TTC12: variants seen among roughly 807,000 people sequenced by gnomAD.
TTC12 encodes tetratricopeptide repeat domain 12.
Under a neutral mutation model 90.1 loss-of-function variants are expected in TTC12, and 70 were observed. That is an observed-to-expected ratio of 0.78 (90% CI 0.64 to 0.95). The LOEUF (loss-of-function observed/expected upper bound fraction) is 0.95, where lower values mean the gene tolerates loss of function less well. TTC12 is among the 40% of genes least tolerant of loss of function. The pLI is 0.00. For synonymous variants in TTC12, 296 were observed against 311.5 expected (o/e 0.95, Z 0.53); for missense variants, 819 against 846.1 (o/e 0.97, Z 0.40).
intron 16 of TTC12, among the ~76,000 whole-genome samples, chr11:113,355,299 G>A (rs1555152034): frequency 6.6e-6 from 1 of 152,122 alleles, no homozygotes; most frequent in East Asian, 1.9e-4. Flanking sequence ...GGGGTCAGTG[G>A]TGATATCCCC....
chr11:113,349,973 C>A, intron 13 of TTC12, 100 bp from the exon 14 acceptor site: 1 of 932,998 alleles, frequency 1.1e-6, no homozygotes, highest in Non-Finnish European at 1.7e-6. Context: ...TTATTTCACC[C>A]GGATGCTGAC....
At chr11:113,315,760 C>A (rs1484464021) in intron 1 of TTC12, among the ~76,000 whole-genome samples, 2 of 152,228 alleles carry the variant, frequency 1.3e-5, no homozygotes, top group East Asian at 3.8e-4. Flanking sequence ...CTTCACTCTT[C>A]AGAAACAAGC....
At chr11:113,334,918 G>C (rs1948274652) in intron 7 of TTC12, 48 bp from the exon 8 acceptor site, 4 of 1,480,134 alleles carry the variant, frequency 2.7e-6, no homozygotes, top group Non-Finnish European at 3.8e-6. Flanking sequence ...AGTGGCTAAT[G>C]ACTTCACATC....
At chr11:113,345,886 C>G (rs1391267341) in intron 13 of TTC12, among the ~76,000 whole-genome samples, 2 of 152,100 alleles carry the variant, frequency 1.3e-5, no homozygotes, top group African/African-American at 2.4e-5. Context: ...TCCAGTGTCT[C>G]GGAGAGTGGC....
chr11:113,360,139 G>A (rs1949840364), intron 18 of TTC12, 131 bp downstream of exon 18: 2 of 653,374 alleles, frequency 3.1e-6, no homozygotes, highest in Non-Finnish European at 5.4e-6. Context: ...CTGAGATATG[G>A]TGTGGATATA....
intron 2 of TTC12, among the ~76,000 whole-genome samples, chr11:113,316,849 T>A (rs144770711): frequency 1.3e-5 from 2 of 152,368 alleles, no homozygotes; most frequent in Non-Finnish European, 2.9e-5. Flanking sequence ...AGAAATGTAC[T>A]CTGATCCCAC....
intron 21 of TTC12, among the ~76,000 whole-genome samples, chr11:113,371,692 C>A (rs1440760453): frequency 6.6e-6 from 1 of 152,174 alleles, no homozygotes; most frequent in East Asian, 1.9e-4. Context: ...CCCGGAGAGG[C>A]AGGAAGCTCA....
chr11:113,339,618 G>T (rs2137989596), intron 10 of TTC12, 144 bp downstream of exon 10: 3 of 734,272 alleles, frequency 4.1e-6, no homozygotes, highest in Non-Finnish European at 6.4e-6. Flanking sequence ...TGCTAAAAGG[G>T]GTGCACAAGA....
intron 6 of TTC12, 83 bp downstream of exon 6, chr11:113,325,728 T>A: frequency 6.4e-7 from 1 of 1,559,810 alleles, no homozygotes; most frequent in Non-Finnish European, 8.7e-7. Flanking sequence ...TGAGGCTAGA[T>A]GTTGGGCTGG....
intron 7 of TTC12, among the ~76,000 whole-genome samples, chr11:113,331,999 C>G (rs1015737486): frequency 6.6e-6 from 1 of 152,226 alleles, no homozygotes; most frequent in Non-Finnish European, 1.5e-5. Flanking sequence ...GTGAATGTCA[C>G]TGGCACTCCA....
rs1555154133 is a variant in TTC12, at chr11:113,359,978, A to G, written c.1584A>G (p.Leu528=). 1 of 1,600,974 alleles carries G rather than the reference A, an allele frequency of 6.2e-7. No individual in the cohort carries two copies. Among genetic ancestry groups the G allele is most frequent in the Admixed American group, 1.7e-5 (1 of 57,936 alleles). ...AGGTGAGCAGAAGGTGCCTGTCTTT[A>G]CTAAACAGCCAGGATGGAGGAATCC... is the stretch of plus-strand genomic sequence containing the variant. ...AVEVSRRCLS[L]LNSQDGGILT... is the part of the protein sequence containing the mutation. The change falls in exon 18 of 22, where the codon TTA becomes TTG. Residue 528 remains leucine, a synonymous_variant. Coordinates refer to ENST00000529221, the MANE Select transcript of TTC12 (RefSeq NM_017868.4).
intron 8 of TTC12, among the ~76,000 whole-genome samples, chr11:113,335,800 C>T (rs1468901002): frequency 6.6e-6 from 1 of 151,954 alleles, no homozygotes; most frequent in East Asian, 1.9e-4. Context: ...TGTTTGATAC[C>T]ATATTTTATT....
At chr11:113,346,328 T>A (rs1255012207) in intron 13 of TTC12, among the ~76,000 whole-genome samples, 1 of 152,094 alleles carries the variant, frequency 6.6e-6, no homozygotes, top group Non-Finnish European at 1.5e-5. Context: ...CGGGGGGTGA[T>A]GCAGTTGAAT....
rs948177 is a variant in TTC12, at chr11:113,333,435, T to A, written c.505-1531T>A. On this transcript the variant is annotated intron_variant, in intron 7 of 21. Transcript: ENST00000529221. Reference sequence around the variant, plus strand: ...TTCCATTGATTTTTTTCAGTAGCATTTTCTGTAGCATTTATATGCTTTTTT... The same window carrying A: ...TTCCATTGATTTTTTTCAGTAGCATATTCTGTAGCATTTATATGCTTTTTT... 0.04 allele frequency among the ~76,000 whole-genome samples: 6,116 copies of A among 151,978 alleles called. 569 individuals carry two copies. In the East Asian group the frequency reaches 0.4, roughly 10 times the overall value.
intron 2 of TTC12, among the ~76,000 whole-genome samples, chr11:113,320,218 C>T (rs1473769616): frequency 6.6e-6 from 1 of 152,058 alleles, no homozygotes; most frequent in Non-Finnish European, 1.5e-5. Context: ...ACCCTCAAGC[C>T]GGGAGATCTG....
chr11:113,347,424 G>A (rs768831946), intron 13 of TTC12, among the ~76,000 whole-genome samples: 7 of 152,198 alleles, frequency 4.6e-5, no homozygotes, highest in Middle Eastern at 3.4e-3. Flanking sequence ...CATTTGATTC[G>A]GGATGGGCAC....
At chr11:113,348,965 A>G (rs1949118960) in intron 13 of TTC12, among the ~76,000 whole-genome samples, 2 of 152,348 alleles carry the variant, frequency 1.3e-5, no homozygotes, top group South Asian at 2.1e-4. Flanking sequence ...GTCTGTGACT[A>G]CAGGCTGCTT....
intron 16 of TTC12, among the ~76,000 whole-genome samples, chr11:113,353,372 T>A (rs533388477): frequency 1.3e-5 from 2 of 152,350 alleles, no homozygotes; most frequent in South Asian, 4.1e-4. Context: ...TATTAGACCC[T>A]TGTCAGATGC....
chr11:113,365,594 T>C (rs566903709), intron 21 of TTC12: 10 of 184,540 alleles, frequency 5.4e-5, no homozygotes, highest in Admixed American at 5.3e-4. Flanking sequence ...GGGCAAGAGA[T>C]GTGGGCTGTA....
Sources: allele counts gnomAD v4.1 joint callset (sites outside exome capture counted in the v4.1 genomes callset), GRCh38; gene constraint gnomAD v4.1.1; transcripts MANE v1.5; gene names NCBI Gene and HGNC (gene_info 2026-07-23, HGNC 2026-07-21).